PLPPR1: variants seen among roughly 807,000 people sequenced by gnomAD.
The protein encoded by PLPPR1 is phospholipid phosphatase-related protein type 1.
PLPPR1 carries 10 observed loss-of-function variants against 33.1 expected under a neutral mutation model. That is an observed-to-expected ratio of 0.30 (90% CI 0.19 to 0.51). PLPPR1 has a LOEUF of 0.51. Among genes scored for constraint, PLPPR1 ranks in the 20% least tolerant of loss-of-function variants. PLPPR1 has a pLI of 0.97. For synonymous variants in PLPPR1, 151 were observed against 151.0 expected, an observed-to-expected ratio of 1.00 and a Z score of 0.00; for missense variants, 304 against 408.1, an observed-to-expected ratio of 0.74 and a Z score of 2.20.
At chr9:101,091,962 C>T (rs1342513187) in intron 1 of PLPPR1, among the ~76,000 whole-genome samples, 1 of 152,178 alleles carries the variant, frequency 6.6e-6, no homozygotes, top group Non-Finnish European at 1.5e-5. Context: ...CGCCTCCTTC[C>T]CTCTGCACTT....
chr9:101,139,816 C>T (rs1003477577), intron 1 of PLPPR1, among the ~76,000 whole-genome samples: 3 of 152,216 alleles, frequency 2.0e-5, no homozygotes, highest in Admixed American at 2.0e-4. Flanking sequence ...CTCCTTATTC[C>T]CACACATGCA....
chr9:101,042,558 C>T (rs1830089052), intron 1 of PLPPR1, among the ~76,000 whole-genome samples: 1 of 152,150 alleles, frequency 6.6e-6, no homozygotes. Context: ...AAGGTAGATT[C>T]ACCTTTCAAA....
At chr9:101,291,319 C>A (rs1401995886) in intron 4 of PLPPR1, among the ~76,000 whole-genome samples, 2 of 152,346 alleles carry the variant, frequency 1.3e-5, no homozygotes, top group Admixed American at 6.5e-5. Context: ...CCACAGCTCA[C>A]AGAGGCCTGC....
At chr9:101,126,637 T>G (rs188141662) in intron 1 of PLPPR1, among the ~76,000 whole-genome samples, 3 of 152,264 alleles carry the variant, frequency 2.0e-5, no homozygotes, top group African/African-American at 4.8e-5. Flanking sequence ...GAGTGGTAAG[T>G]TTTATAGCTA....
intron 1 of PLPPR1, among the ~76,000 whole-genome samples, chr9:101,137,518 G>C (rs551152866): frequency 6.6e-6 from 1 of 152,152 alleles, no homozygotes; most frequent in Non-Finnish European, 1.5e-5. Flanking sequence ...AGTTCCTCTG[G>C]GTGGAGGTGG....
chr9:101,159,548 T>C (rs1384074355), intron 1 of PLPPR1, among the ~76,000 whole-genome samples: 2 of 152,210 alleles, frequency 1.3e-5, no homozygotes. Context: ...CTATAAGCCT[T>C]GTGGTTTTAT....
chr9:101,143,482 T>G (rs1479666278), intron 1 of PLPPR1, among the ~76,000 whole-genome samples: 1 of 152,056 alleles, frequency 6.6e-6, no homozygotes, highest in Non-Finnish European at 1.5e-5. Context: ...ACCATTAGAG[T>G]GAACAGGCAA....
At chr9:101,053,228 G>A (rs34257585) in intron 1 of PLPPR1, among the ~76,000 whole-genome samples, 3,648 of 152,208 alleles carry the variant, frequency 0.024, 77 homozygotes, top group Non-Finnish European at 0.03. Flanking sequence ...AATCACTGGA[G>A]CCTGAAAACC....
At chr9:101,320,320 T>C (rs1438258859) in intron 7 of PLPPR1, among the ~76,000 whole-genome samples, 1 of 152,192 alleles carries the variant, frequency 6.6e-6, no homozygotes, top group Non-Finnish European at 1.5e-5. Flanking sequence ...AAGTGTTCCC[T>C]CATGTCTGCC....
intron 3 of PLPPR1, among the ~76,000 whole-genome samples, chr9:101,278,313 A>C (rs1458888283): frequency 6.6e-6 from 1 of 152,166 alleles, no homozygotes; most frequent in African/African-American, 2.4e-5. Flanking sequence ...AATATTTGTG[A>C]AGAAGAGGGA....
chr9:101,157,517 C>T (rs1421069824), intron 1 of PLPPR1, among the ~76,000 whole-genome samples: 1 of 151,924 alleles, frequency 6.6e-6, no homozygotes, highest in Non-Finnish European at 1.5e-5. Context: ...TGGTTAAAAC[C>T]ATGTAGATAA....
At chr9:101,096,089 G>T (rs755745976) in intron 1 of PLPPR1, among the ~76,000 whole-genome samples, 17 of 152,040 alleles carry the variant, frequency 1.1e-4, no homozygotes, top group Non-Finnish European at 2.2e-4. Flanking sequence ...AGTAGATGAG[G>T]GTATTTGAGT....
intron 2 of PLPPR1, among the ~76,000 whole-genome samples, chr9:101,196,425 AAT>A (rs1196790476): frequency 6.6e-6 from 1 of 152,236 alleles, no homozygotes; most frequent in Non-Finnish European, 1.5e-5. Flanking sequence ...AATAATCATG[AAT>A]ATGACAGATT....
At chr9:101,069,376 C>T (rs1479001017) in intron 1 of PLPPR1, among the ~76,000 whole-genome samples, 1 of 152,092 alleles carries the variant, frequency 6.6e-6, no homozygotes, top group African/African-American at 2.4e-5. Context: ...CATCCCCTCT[C>T]TAGAGCCCAT....
intron 2 of PLPPR1, among the ~76,000 whole-genome samples, chr9:101,260,562 G>T (rs1486188205): frequency 6.6e-6 from 1 of 152,186 alleles, no homozygotes; most frequent in Non-Finnish European, 1.5e-5. Context: ...GAGATTTCTA[G>T]CCTGTGTAAC....
chr9:101,317,305 A>T (rs1448561600), intron 6 of PLPPR1, 60 bp from the exon 7 acceptor site: 32 of 1,555,390 alleles, frequency 2.1e-5, no homozygotes, highest in Non-Finnish European at 2.7e-5. Context: ...CCACCCTCAC[A>T]GATGCCAGGC....
chr9:101,324,209 A>T lies in PLPPR1; in HGVS notation c.*152A>T. On this transcript the variant is annotated 3_prime_UTR_variant, in exon 8 of 8. Transcript: ENST00000374874. ...TGTACATTTTTTGTATGAGGAAGTG[A>T]TGTAGCTTGCCCTGATTTTTTTTTT... 16 of 497,264 alleles carry T rather than the reference A, an allele frequency of 3.2e-5. No homozygotes were observed. The highest frequency in any genetic ancestry group is 5.2e-5 in the Non-Finnish European group (15 of 286,098). 30.8% of individuals were successfully genotyped at this position (497,264 alleles called of 1,614,324 possible). A position where few individuals can be genotyped will look rare whatever the true frequency, so the allele number is the denominator to read the frequency against.
At chr9:101,276,743 G>A (rs942248977) in intron 3 of PLPPR1, among the ~76,000 whole-genome samples, 2 of 152,184 alleles carry the variant, frequency 1.3e-5, no homozygotes, top group Non-Finnish European at 2.9e-5. Flanking sequence ...TTTATATCAA[G>A]TGCCACCTAA....
chr9:101,049,200 T>C (rs1269129235), intron 1 of PLPPR1, among the ~76,000 whole-genome samples: 1 of 152,256 alleles, frequency 6.6e-6, no homozygotes, highest in Non-Finnish European at 1.5e-5. Context: ...TTTTCAAAAT[T>C]AATTATGTTT....
Sources: allele counts gnomAD v4.1 joint callset (sites outside exome capture counted in the v4.1 genomes callset), GRCh38; gene constraint gnomAD v4.1.1; transcripts MANE v1.5; gene names NCBI Gene and HGNC (gene_info 2026-07-23, HGNC 2026-07-21).